MALRD1: variants seen among roughly 807,000 people sequenced by gnomAD.
MALRD1 encodes the protein MAM and LDL-receptor class A domain-containing protein 1.
Under a neutral mutation model 242.1 loss-of-function variants are expected in MALRD1, and 247 were observed. The observed-to-expected ratio is 1.02, with a 90% CI of 0.92 to 1.13. The LOEUF is 1.13. Ranked by LOEUF, MALRD1 falls within the 50% of genes most tolerant of loss-of-function variation. The pLI is 0.00. For missense variants in MALRD1, 2,989 were observed against 2,533.1 expected (o/e 1.18, Z -3.86); for synonymous variants, 995 against 866.6 (o/e 1.15, Z -2.60).
intron 26 of MALRD1, among the ~76,000 whole-genome samples, chr10:19,357,102 T>G (rs890157508): frequency 1.7e-5 from 2 of 118,782 alleles, no homozygotes; most frequent in African/African-American, 6.9e-5. Flanking sequence ...AGAGTGAGAC[T>G]CTGTCTGAAA....
chr10:19,264,818 A>G (rs1480396435), intron 19 of MALRD1, among the ~76,000 whole-genome samples: 1 of 152,164 alleles, frequency 6.6e-6, no homozygotes, highest in African/African-American at 2.4e-5. Context: ...GGAGTTTGAT[A>G]AGGATTGGTA....
intron 19 of MALRD1, among the ~76,000 whole-genome samples, chr10:19,258,681 C>A (rs939739166): frequency 2.0e-5 from 3 of 152,156 alleles, no homozygotes; most frequent in Non-Finnish European, 2.9e-5. Context: ...TCCTACCCAC[C>A]ACTCAGCATC....
intron 21 of MALRD1, among the ~76,000 whole-genome samples, chr10:19,304,872 T>A (rs1334995518): frequency 2.6e-5 from 4 of 151,798 alleles, no homozygotes; most frequent in Non-Finnish European, 5.9e-5. Flanking sequence ...TTTCACTGAT[T>A]ATTGTCTATT....
At chr10:19,322,928 C>T (rs1010735448) in intron 21 of MALRD1, among the ~76,000 whole-genome samples, 2 of 152,136 alleles carry the variant, frequency 1.3e-5, no homozygotes, top group Non-Finnish European at 2.9e-5. Flanking sequence ...CTGTGCGGAT[C>T]ACTTCTTTAT....
intron 30 of MALRD1, among the ~76,000 whole-genome samples, chr10:19,496,323 C>A (rs2131237884): frequency 6.6e-6 from 1 of 152,302 alleles, no homozygotes; most frequent in South Asian, 2.1e-4. Context: ...GTACATAAAA[C>A]AATCCTCAGC....
At chr10:19,525,313 C>T (rs1040124739) in intron 31 of MALRD1, among the ~76,000 whole-genome samples, 8 of 152,010 alleles carry the variant, frequency 5.3e-5, no homozygotes, top group Admixed American at 2.0e-4. Context: ...TTTAAAATCT[C>T]GAGAGTGTAG....
chr10:19,305,194 C>T (rs1409207349), intron 21 of MALRD1, among the ~76,000 whole-genome samples: 1 of 151,558 alleles, frequency 6.6e-6, no homozygotes, highest in Admixed American at 6.6e-5. Context: ...TAACATATCA[C>T]GCAGTGGAAT....
chr10:19,161,485 C>T (rs1834398064), intron 12 of MALRD1, among the ~76,000 whole-genome samples: 1 of 120,398 alleles, frequency 8.3e-6, no homozygotes, highest in African/African-American at 3.0e-5. Flanking sequence ...CACATGTACC[C>T]TAAAACTTAG....
intron 26 of MALRD1, among the ~76,000 whole-genome samples, chr10:19,387,172 T>G (rs1846115151): frequency 6.6e-6 from 1 of 152,200 alleles, no homozygotes; most frequent in South Asian, 2.1e-4. Context: ...AGATTTTGTT[T>G]CAGGATGAAA....
intron 29 of MALRD1, among the ~76,000 whole-genome samples, chr10:19,479,636 T>C (rs1836897381): frequency 6.6e-6 from 1 of 152,182 alleles, no homozygotes; most frequent in Non-Finnish European, 1.5e-5. Flanking sequence ...AGTGTCACCA[T>C]CATCATCATC....
At chr10:19,135,550 T>A (rs1833306198) in intron 9 of MALRD1, among the ~76,000 whole-genome samples, 1 of 152,198 alleles carries the variant, frequency 6.6e-6, no homozygotes, top group African/African-American at 2.4e-5. Context: ...GGCTGGAATT[T>A]TAACCACATT....
chr10:19,496,278 C>G (rs1348578175), intron 30 of MALRD1, among the ~76,000 whole-genome samples: 1 of 152,182 alleles, frequency 6.6e-6, no homozygotes, highest in Non-Finnish European at 1.5e-5. Context: ...TTCTTATTGC[C>G]AGATGGCACA....
At chr10:19,114,339 A>G (rs1836795010) in intron 5 of MALRD1, among the ~76,000 whole-genome samples, 1 of 152,218 alleles carries the variant, frequency 6.6e-6, no homozygotes, top group African/African-American at 2.4e-5. Flanking sequence ...AGTGGACTTA[A>G]GTTCTAACAT....
chr10:19,066,971 T>G, intron 2 of MALRD1, 112 bp downstream of exon 2: 1 of 735,556 alleles, frequency 1.4e-6, no homozygotes, highest in South Asian at 7.2e-5. Context: ...CCACCACATG[T>G]TTAATTAGGG....
chr10:19,170,394 C>A (rs1834872092), intron 13 of MALRD1, among the ~76,000 whole-genome samples: 1 of 152,206 alleles, frequency 6.6e-6, no homozygotes, highest in East Asian at 1.9e-4. Context: ...TCGAGCTTCC[C>A]ATTAAAATGT....
intron 17 of MALRD1, 118 bp downstream of exon 17, chr10:19,205,383 AATGTT>A: frequency 8.3e-7 from 1 of 1,210,966 alleles, no homozygotes; most frequent in Non-Finnish European, 1.1e-6. Flanking sequence ...AAAGCTGATG[AATGTT>A]ATGTGTGGTT....
intron 26 of MALRD1, among the ~76,000 whole-genome samples, chr10:19,362,044 T>C (rs1445801542): frequency 2.6e-5 from 4 of 152,096 alleles, no homozygotes; most frequent in African/African-American, 9.7e-5. Flanking sequence ...TCAAATCCTG[T>C]GTCTGATTTT....
chr10:19,439,171 T>C (rs1537349), intron 28 of MALRD1, among the ~76,000 whole-genome samples: 108,711 of 149,802 alleles, frequency 0.73, 39,042 homozygotes, highest in Non-Finnish European at 0.75. Context: ...TTACATAAAA[T>C]AGCCATTATT....
chr10:19,322,414 A>G (rs992196767), intron 21 of MALRD1, among the ~76,000 whole-genome samples: 3 of 152,200 alleles, frequency 2.0e-5, no homozygotes, highest in African/African-American at 7.2e-5. Context: ...GGAAGAATGA[A>G]TGATATATAT....
Sources: gnomAD v4.1 joint callset for allele counts (sites outside exome capture counted in the v4.1 genomes callset) on GRCh38, gnomAD v4.1.1 for gene constraint, MANE v1.5 for transcripts, NCBI Gene and HGNC (gene_info 2026-07-23, HGNC 2026-07-21) for gene names.